The following LYSMD3 variants were observed in gnomAD, a reference collection of about 807,000 sequenced individuals.
LYSMD3 encodes the protein LysM domain containing 3, also known as lysM and putative peptidoglycan-binding domain-containing protein 3.
Under a neutral mutation model 26.1 loss-of-function variants are expected in LYSMD3, and 13 were observed. The observed-to-expected ratio is 0.50, with a 90% CI of 0.32 to 0.79. The LOEUF (loss-of-function observed/expected upper bound fraction) is 0.79. Ranked by LOEUF, LYSMD3 falls within the 30% of genes least tolerant of loss-of-function variation. The pLI, the probability that LYSMD3 is intolerant of heterozygous loss-of-function variation, is 0.03. For synonymous variants in LYSMD3, 109 were observed against 119.4 expected (o/e 0.91, Z 0.57); for missense variants, 331 against 362.5 (o/e 0.91, Z 0.71).
At chr5:90,527,762 G>A (rs1384565068) in intron 1 of LYSMD3, among the ~76,000 whole-genome samples, 1 of 152,152 alleles carries the variant, frequency 6.6e-6, no homozygotes, top group South Asian at 2.1e-4. Context: ...AAGCATTTCA[G>A]GTAAGGACTA....
intron 1 of LYSMD3, among the ~76,000 whole-genome samples, chr5:90,528,968 AC>A (rs142952597): frequency 0.013 from 1,995 of 152,268 alleles, 38 homozygotes; most frequent in African/African-American, 0.046. Context: ...AATCAAAGGC[AC>A]CCTATCCGCT....
chr5:90,517,535 T>G lies in LYSMD3; in HGVS notation c.*1284A>C, dbSNP rs1424828927. The G allele has an allele frequency of 2.0e-5, 3 of 151,892 alleles. No homozygotes were observed. The highest frequency in any genetic ancestry group is 7.3e-5 in the African/African-American group (3 of 41,336). The allele number at this position is 151,892 out of a possible 1,614,324, so 9.4% of individuals were successfully genotyped here. ...GAATCAGTATGCAAATGCTTCTTAC[T>G]TAGCCAGACTGTAGCCGACTCAACA... On this transcript the variant is annotated 3_prime_UTR_variant, in exon 3 of 3. Coordinates refer to ENST00000315948, the MANE Select transcript of LYSMD3 (RefSeq NM_198273.2).
chr5:90,528,489 A>C (rs1753279136), intron 1 of LYSMD3, among the ~76,000 whole-genome samples: 1 of 152,148 alleles, frequency 6.6e-6, no homozygotes, highest in Non-Finnish European at 1.5e-5. Context: ...TAAAGGTCAG[A>C]ACTTCACCTG....
chr5:90,526,956 G>A (rs1753237735), intron 1 of LYSMD3: 2 of 152,164 alleles, frequency 1.3e-5, no homozygotes, highest in Admixed American at 1.3e-4. Context: ...CCAAGACTGA[G>A]CCTTGAAGAA....
chr5:90,529,081 C>G (rs941451049), intron 1 of LYSMD3, among the ~76,000 whole-genome samples: 13 of 152,254 alleles, frequency 8.5e-5, no homozygotes, highest in African/African-American at 3.1e-4. Context: ...GATTACGTCT[C>G]AGAGTCTTCT....
At position 90,519,114 on chromosome 5, in the gene LYSMD3, T is replaced by C. The variant is rs775856529; in HGVS notation, c.626A>G (p.Tyr209Cys). 10 of 1,614,044 alleles carry C rather than the reference T, an allele frequency of 6.2e-6. No homozygotes were observed. The highest frequency in any genetic ancestry group is 2.2e-5 in the East Asian group (1 of 44,884). The change falls in exon 3 of 3, where the codon TAT (tyrosine) becomes TGT (cysteine). Residue 209 changes from tyrosine to cysteine, a missense_variant. Physicochemically the swap from Tyr to Cys is radical, Grantham distance 194 (BLOSUM62 -2). Coordinates refer to ENST00000315948, the MANE Select transcript of LYSMD3 (RefSeq NM_198273.2). ...DNKNTQRKDP[Y>C]YGADWGIGWW... Reference sequence around the variant, plus strand: ...CCCTATTCCCCAGTCTGCTCCATAATAGGGGTCTTTACGTTGAGTGTTTTT... The same window carrying C: ...CCCTATTCCCCAGTCTGCTCCATAACAGGGGTCTTTACGTTGAGTGTTTTT...
chr5:90,525,354 T>G, intron 1 of LYSMD3, 54 bp from the exon 2 acceptor site: 1 of 1,459,828 alleles, frequency 6.9e-7, no homozygotes, highest in Non-Finnish European at 9.3e-7. Flanking sequence ...TCCAACTGAC[T>G]GATTTGCATG....
chr5:90,519,089 C>A lies in LYSMD3; in HGVS notation c.651G>T (p.Gly217=). 2 of 1,614,114 alleles carry A rather than the reference C, an allele frequency of 1.2e-6. No homozygotes were observed. ...ACATTATCACTACAGCTGTCCACCA[C>A]CCTATTCCCCAGTCTGCTCCATAAT... is the stretch of plus-strand genomic sequence containing the variant. ...DPYYGADWGI[G]WWTAVVIMLI... Residue 217 remains glycine (G), a synonymous_variant, in exon 3 of 3, where the codon GGG becomes GGT. Transcript: ENST00000315948.
In LYSMD3 at chr5:90,516,920, T is replaced by A. The variant is rs974994023; in HGVS notation, c.*1899A>T. On this transcript the variant is annotated 3_prime_UTR_variant, in exon 3 of 3. Coordinates refer to ENST00000315948, the MANE Select transcript of LYSMD3 (RefSeq NM_198273.2). ...AAAAGTAAGGAATCACTGACTGTAATTTCATCAATTTGATGTAAACAAAGT... is the reference window on the plus strand; with the variant it reads ...AAAAGTAAGGAATCACTGACTGTAAATTCATCAATTTGATGTAAACAAAGT... The A allele has an allele frequency of 6.6e-6, 1 of 152,322 alleles. No individual in the cohort carries two copies. The highest frequency in any genetic ancestry group is 2.4e-5 in the African/African-American group (1 of 41,372). 9.4% of individuals were successfully genotyped at this position (152,322 alleles called of 1,614,324 possible).
intron 2 of LYSMD3, chr5:90,520,582 C>T (rs1034068743): frequency 6.8e-6 from 3 of 441,302 alleles, no homozygotes; most frequent in African/African-American, 4.0e-5. Context: ...AACTCAAGAA[C>T]GATCTCGGCT....
chr5:90,529,566 C>A lies in LYSMD3; in HGVS notation c.-130G>T. On this transcript the variant is annotated 5_prime_UTR_variant, in exon 1 of 3. It adds an upstream start codon to the 5' untranslated region. Transcript: ENST00000315948. The stretch of plus-strand genomic sequence containing the variant: ...TTGGGCTGACCCCGTCCGCCTCCGC[C>A]TCTGCCGCCAACGTCTCCGCCTTCC... 2.2e-6 allele frequency: 1 copy of A among 456,340 alleles called. No individual in the cohort carries two copies. Among genetic ancestry groups the A allele is most frequent in the East Asian group, 7.0e-5 (1 of 14,386 alleles). The allele number at this position is 456,340 out of a possible 1,614,324, so 28.3% of individuals were successfully genotyped here.
At position 90,525,190 on chromosome 5, in the gene LYSMD3, C is replaced by G; in HGVS notation, c.100G>C (p.Glu34Gln). 6.2e-7 allele frequency: 1 copy of G among 1,614,082 alleles called. No homozygotes were observed. The highest frequency in any genetic ancestry group is 1.7e-5 in the Admixed American group (1 of 60,016). The change falls in exon 2 of 3, where the codon GAG becomes CAG. Residue 34 changes from glutamate to glutamine, a missense_variant. By Grantham distance (29) the Glu-to-Gln change is conservative. Transcript: ENST00000315948. ...FGNCSDSDIL[E>Q]EDAEVYELRS... ...AGTTCATACACTTCAGCATCCTCCT[C>G]CAAAATATCACTGTCTGAACAATTT...
chr5:90,516,462 G>C lies in LYSMD3; in HGVS notation c.*2357C>G, dbSNP rs1209290852. 6.6e-6 allele frequency: 1 copy of C among 151,994 alleles called. No homozygotes were observed. Among genetic ancestry groups the C allele is most frequent in the Non-Finnish European group, 1.5e-5 (1 of 67,908 alleles). 9.4% of individuals were successfully genotyped at this position (151,994 alleles called of 1,614,324 possible). ...CATGTAAAGCAACAAATTCAAAGAA[G>C]GGTGTCAACACAATTAAAATCCATA... On this transcript the variant is annotated 3_prime_UTR_variant, in exon 3 of 3. Coordinates refer to ENST00000315948, the MANE Select transcript of LYSMD3 (RefSeq NM_198273.2).
At chr5:90,522,503 T>C (rs1753117627) in intron 2 of LYSMD3, among the ~76,000 whole-genome samples, 1 of 152,238 alleles carries the variant, frequency 6.6e-6, no homozygotes, top group African/African-American at 2.4e-5. Context: ...ACATTAACAC[T>C]TCTTCTCTAT....
intron 2 of LYSMD3, chr5:90,520,391 G>T (rs1048140542): frequency 8.8e-6 from 4 of 456,108 alleles, no homozygotes; most frequent in Non-Finnish European, 1.8e-5. Flanking sequence ...GATAAAGTGG[G>T]TCTAGTATGA....
rs2151920001 is a variant in LYSMD3, at chr5:90,517,020, A to C, written c.*1799T>G. 6.6e-6 allele frequency: 1 copy of C among 152,604 alleles called. No homozygotes were observed. Among genetic ancestry groups the C allele is most frequent in the Non-Finnish European group, 1.5e-5 (1 of 67,890 alleles). 9.5% of individuals were successfully genotyped at this position (152,604 alleles called of 1,614,324 possible). A position where few individuals can be genotyped will look rare whatever the true frequency, so the allele number is the denominator to read the frequency against. Reference sequence around the variant, plus strand: ...TCCTTAAAACCTCATTTTTCAGCAGACTTAATAAATACAATGTAAAATGAC... The same window carrying C: ...TCCTTAAAACCTCATTTTTCAGCAGCCTTAATAAATACAATGTAAAATGAC... On this transcript the variant is annotated 3_prime_UTR_variant, in exon 3 of 3. Coordinates refer to ENST00000315948, the MANE Select transcript of LYSMD3 (RefSeq NM_198273.2).
chr5:90,520,127 A>G (rs575141991), intron 2 of LYSMD3, among the ~76,000 whole-genome samples: 1 of 152,278 alleles, frequency 6.6e-6, no homozygotes, highest in African/African-American at 2.4e-5. Context: ...TAAATGCATT[A>G]TTCAACTACT....
Position 90,519,185 on chromosome 5 carries a change from T to C in LYSMD3, c.555A>G (p.Val185=), listed in dbSNP as rs1384947751. The C allele has an allele frequency of 2.5e-6, 4 of 1,614,108 alleles. No homozygotes were observed. Among genetic ancestry groups the C allele is most frequent in the Non-Finnish European group, 3.4e-6 (4 of 1,179,984 alleles). The change falls in exon 3 of 3, where the codon GTA becomes GTG. Residue 185 remains valine, a synonymous_variant. Transcript: ENST00000315948. ...TDNKRENLNE[V]VSALTAQQMR... Reference sequence around the variant, plus strand: ...TTTGTTGTGCTGTTAAGGCCGATACTACCTCATTGAGGTTCTCTCTCTTAT... The same window carrying C: ...TTTGTTGTGCTGTTAAGGCCGATACCACCTCATTGAGGTTCTCTCTCTTAT...
At chr5:90,520,524 A>G (rs1386177864) in intron 2 of LYSMD3, 3 of 456,134 alleles carry the variant, frequency 6.6e-6, no homozygotes, top group Non-Finnish European at 1.3e-5. Context: ...GCTGCTTGAG[A>G]TACAGAAGTG....
Sources: allele counts gnomAD v4.1 joint callset (sites outside exome capture counted in the v4.1 genomes callset), GRCh38; gene constraint gnomAD v4.1.1; transcripts MANE v1.5; gene names NCBI Gene and HGNC (gene_info 2026-07-23, HGNC 2026-07-21).